The following SLC25A13 variants were observed in gnomAD, a reference collection of about 807,000 sequenced individuals.
SLC25A13 encodes the protein solute carrier family 25 member 13.
SLC25A13 carries 70 observed loss-of-function variants against 85.5 expected under a neutral mutation model. The ratio of observed to expected loss-of-function variants is 0.82; its 90% CI spans 0.68 to 1.00. SLC25A13 has a LOEUF of 1.00. Among genes scored for constraint, SLC25A13 ranks in the 50% least tolerant of loss-of-function variants. SLC25A13 has a pLI of 0.00. For synonymous variants in SLC25A13, 259 were observed against 288.7 expected (o/e 0.90, Z 1.04); for missense variants, 765 against 819.8 (o/e 0.93, Z 0.82).
At chr7:96,133,847 G>A (rs1164809987) in intron 14 of SLC25A13, among the ~76,000 whole-genome samples, 1 of 151,760 alleles carries the variant, frequency 6.6e-6, no homozygotes, top group Non-Finnish European at 1.5e-5. Context: ...GCTTGAACCC[G>A]GAGGTGGAGG....
intron 3 of SLC25A13, among the ~76,000 whole-genome samples, chr7:96,266,874 T>C (rs1202157098): frequency 6.6e-6 from 1 of 152,128 alleles, no homozygotes; most frequent in African/African-American, 2.4e-5. Flanking sequence ...TAATGAGGCT[T>C]TTTGTTTTGG....
At chr7:96,203,205 A>T (rs1038678851) in intron 5 of SLC25A13, among the ~76,000 whole-genome samples, 1 of 152,312 alleles carries the variant, frequency 6.6e-6, no homozygotes, top group East Asian at 1.9e-4. Context: ...TGCCTAGTCC[A>T]GACCAAAGTT....
chr7:96,285,261 C>T (rs1798843055), intron 2 of SLC25A13, among the ~76,000 whole-genome samples: 1 of 152,164 alleles, frequency 6.6e-6, no homozygotes, highest in South Asian at 2.1e-4. Flanking sequence ...AACCCTAAGG[C>T]TGCCTAACTT....
intron 13 of SLC25A13, 115 bp downstream of exon 13, chr7:96,169,930 C>T (rs1490333884): frequency 3.8e-6 from 4 of 1,065,768 alleles, no homozygotes; most frequent in Non-Finnish European, 5.9e-6. Flanking sequence ...GTAGACTCTG[C>T]CCTTGTGCAG....
intron 2 of SLC25A13, chr7:96,283,680 T>C (rs1181790805): frequency 6.9e-6 from 2 of 290,990 alleles, no homozygotes; most frequent in Non-Finnish European, 1.3e-5. Context: ...CTGAAATGCA[T>C]GAAGAAAAAT....
At position 96,199,509 on chromosome 7, in the gene SLC25A13, G is replaced by A. The variant is rs560366007; in HGVS notation, c.469-6326C>T. On this transcript the variant is annotated intron_variant, in intron 5 of 17. Coordinates refer to ENST00000265631, the MANE Select transcript of SLC25A13 (RefSeq NM_014251.3). ...ACCAGGCAATGGGTGCTTACTAAAT[G>A]CTGCTGCCGAAGACAGTTACCAACT... Among the ~76,000 whole-genome samples, 154 of 152,240 alleles carry A rather than the reference G, an allele frequency of 1.0e-3. 1 individual carries two copies. Among genetic ancestry groups the A allele is most frequent in the Middle Eastern group, 3.4e-3 (1 of 294 alleles).
rs750225643 is a variant in SLC25A13 at position 96,121,978 on chromosome 7, TA to T, written c.1610del (p.Leu537Ter). 1.1e-5 allele frequency: 17 copies of T among 1,614,144 alleles called. No individual in the cohort carries two copies. In the South Asian group the frequency reaches 1.9e-4, roughly 18 times the overall value. On this transcript the variant is annotated frameshift_variant, in exon 16 of 18. Coordinates refer to ENST00000265631, the MANE Select transcript of SLC25A13 (RefSeq NM_014251.3). LOFTEE classifies it high-confidence loss of function. ...TCTTGATAACATCAGCAGGGGTCAC[TA>T]AAGATGCTGCAGGCATACCTGCAGG... ...GAIAGMPAASLVTPADVIKTR... is the reference protein window; with the variant it reads ...GAIAGMPAASXVTPADVIKTR...
chr7:96,287,194 C>T (rs1348479138), intron 2 of SLC25A13, among the ~76,000 whole-genome samples: 1 of 152,234 alleles, frequency 6.6e-6, no homozygotes, highest in African/African-American at 2.4e-5. Flanking sequence ...GTAAACCTGA[C>T]ATCCTTAGCA....
At chr7:96,226,101 C>A (rs1796320615) in intron 4 of SLC25A13, among the ~76,000 whole-genome samples, 1 of 152,008 alleles carries the variant, frequency 6.6e-6, no homozygotes, top group Admixed American at 6.6e-5. Flanking sequence ...ACTATCAGCA[C>A]AATGTTGTGC....
chr7:96,294,580 G>A (rs1348469450), intron 2 of SLC25A13, among the ~76,000 whole-genome samples: 1 of 148,046 alleles, frequency 6.8e-6, no homozygotes, highest in Non-Finnish European at 1.5e-5. Flanking sequence ...CTGCACTCCA[G>A]CCTGGGAGAC....
intron 13 of SLC25A13, among the ~76,000 whole-genome samples, chr7:96,161,505 G>A (rs939643186): frequency 2.0e-5 from 3 of 151,784 alleles, no homozygotes; most frequent in Non-Finnish European, 2.9e-5. Flanking sequence ...TTTTTTTTAA[G>A]TTTCTTCCAT....
intron 4 of SLC25A13, among the ~76,000 whole-genome samples, chr7:96,229,654 C>G (rs368304348): frequency 7.2e-5 from 11 of 152,128 alleles, no homozygotes; most frequent in African/African-American, 2.7e-4. Context: ...ACGAACCCAC[C>G]GGGAGGTATG....
chr7:96,164,903 A>G (rs1584397770), intron 13 of SLC25A13, among the ~76,000 whole-genome samples: 1 of 152,184 alleles, frequency 6.6e-6, no homozygotes, highest in Non-Finnish European at 1.5e-5. Context: ...GAGACAGGTG[A>G]TAAGTTTTAT....
At chr7:96,280,679 T>G (rs914862571) in intron 2 of SLC25A13, among the ~76,000 whole-genome samples, 6 of 152,074 alleles carry the variant, frequency 3.9e-5, no homozygotes, top group African/African-American at 1.4e-4. Context: ...TGCATCACTA[T>G]ACTCCAGCCT....
At chr7:96,303,474 A>G (rs963078613) in intron 1 of SLC25A13, among the ~76,000 whole-genome samples, 2 of 152,178 alleles carry the variant, frequency 1.3e-5, no homozygotes, top group East Asian at 3.9e-4. Context: ...CTGAATCCCA[A>G]AGAAAAGTAT....
At chr7:96,315,156 G>A (rs1397609713) in intron 1 of SLC25A13, among the ~76,000 whole-genome samples, 3 of 152,292 alleles carry the variant, frequency 2.0e-5, no homozygotes, top group South Asian at 4.1e-4. Flanking sequence ...GCAGGACTAA[G>A]ACAAAGCTGT....
chr7:96,267,351 A>G (rs1169394290), intron 3 of SLC25A13, among the ~76,000 whole-genome samples: 2 of 152,202 alleles, frequency 1.3e-5, no homozygotes, highest in African/African-American at 4.8e-5. Context: ...CTTTCCTCAG[A>G]AAAAGAATAG....
At chr7:96,270,509 C>T (rs553602908) in intron 3 of SLC25A13, among the ~76,000 whole-genome samples, 1 of 151,240 alleles carries the variant, frequency 6.6e-6, no homozygotes, top group Non-Finnish European at 1.5e-5. Context: ...GATCTGAGAT[C>T]GTGCCACTGC....
chr7:96,302,459 G>C (rs573415604), intron 1 of SLC25A13, among the ~76,000 whole-genome samples: 1 of 152,296 alleles, frequency 6.6e-6, no homozygotes, highest in South Asian at 2.1e-4. Flanking sequence ...ATAGTTGTCA[G>C]ATCTAAGAGA....
Sources: allele counts gnomAD v4.1 joint callset (sites outside exome capture counted in the v4.1 genomes callset), GRCh38; gene constraint gnomAD v4.1.1; transcripts MANE v1.5; gene names NCBI Gene and HGNC (gene_info 2026-07-23, HGNC 2026-07-21).